The following GRB10 variants were observed in gnomAD, a reference collection of about 807,000 sequenced individuals.
GRB10 encodes the protein growth factor receptor bound protein 10.
GRB10 carries 20 observed loss-of-function variants against 80.9 expected under a neutral mutation model. The observed-to-expected ratio is 0.25, with a 90% CI of 0.17 to 0.36. The LOEUF is 0.36. Ranked by LOEUF, GRB10 falls within the 10% of genes least tolerant of loss-of-function variation. GRB10 has a pLI of 1.00. For missense variants in GRB10, 548 were observed against 747.7 expected, an observed-to-expected ratio of 0.73 and a Z score of 3.12; for synonymous variants, 291 against 291.5, an observed-to-expected ratio of 1.00 and a Z score of 0.02.
chr7:50,695,866 G>A (rs879729512), intron 5 of GRB10, among the ~76,000 whole-genome samples: 10 of 151,958 alleles, frequency 6.6e-5, no homozygotes, highest in Non-Finnish European at 1.2e-4. Context: ...ATATTACAAG[G>A]TGAATAAAAA....
chr7:50,664,425 C>T lies in GRB10; in HGVS notation c.504+5297G>A, dbSNP rs147472096. Among the ~76,000 whole-genome samples, 381 of 152,290 alleles carry T rather than the reference C, an allele frequency of 2.5e-3. 1 individual carries two copies. The highest frequency in any genetic ancestry group is 8.8e-3 in the African/African-American group (365 of 41,572). ...CAGCAGAGGGAGACAGTCACCAGGC[C>T]GTGGCGGGGGGCCAGCCCACCTGCC... On this transcript the variant is annotated intron_variant, in intron 7 of 18. Transcript: ENST00000401949.
At chr7:50,615,413 A>C (rs576937402) in intron 11 of GRB10, among the ~76,000 whole-genome samples, 6 of 152,340 alleles carry the variant, frequency 3.9e-5, no homozygotes, top group Non-Finnish European at 5.9e-5. Flanking sequence ...GAGGTCAGGA[A>C]GCTACCATGC....
chr7:50,780,725 A>C lies in GRB10; in HGVS notation c.-315T>G, dbSNP rs1327194466. The C allele has an allele frequency of 6.6e-6, 1 of 152,208 alleles. No individual in the cohort carries two copies. Among genetic ancestry groups the C allele is most frequent in the African/African-American group, 2.4e-5 (1 of 41,452 alleles). 9.4% of individuals were successfully genotyped at this position (152,208 alleles called of 1,614,324 possible). A position where few individuals can be genotyped will look rare whatever the true frequency, so the allele number is the denominator to read the frequency against. On this transcript the variant is annotated 5_prime_UTR_variant, in exon 2 of 19. Transcript: ENST00000401949. ...TTCCTCCTGAGAATTATCAGAATGC[A>C]GCCTCCCAAGTCTGAAAGAAAGGTA...
intron 4 of GRB10, chr7:50,711,101 G>GCCCGATCAATTCT: frequency 1.6e-6 from 1 of 610,820 alleles, no homozygotes; most frequent in Non-Finnish European, 3.0e-6. Flanking sequence ...CTGGGAGAAT[G>GCCCGATCAATTCT]CCCGATCATA....
chr7:50,744,503 T>C (rs972178177), intron 3 of GRB10, among the ~76,000 whole-genome samples: 1 of 152,224 alleles, frequency 6.6e-6, no homozygotes, highest in Admixed American at 6.5e-5. Flanking sequence ...TACTGTTGAC[T>C]AGAAGCTTTA....
rs200846366 is a variant in GRB10 at position 50,674,522 on chromosome 7, A to G, written c.276T>C (p.Ala92=). ...GCTGGATGGACCGAGGAGGGCCTGA[A>G]GCCCGAGGCTGGCTGCGGGCATGCT... is the stretch of plus-strand genomic sequence containing the variant. The part of the protein sequence containing the change: ...NGQHARSQPR[A]SGPPRSIQPQ... Residue 92 remains alanine, a synonymous_variant, in exon 6 of 19, where the codon GCT becomes GCC. Coordinates refer to ENST00000401949, the MANE Select transcript of GRB10 (RefSeq NM_001350814.2). The G allele has an allele frequency of 2.6e-5, 42 of 1,610,720 alleles. No homozygotes were observed. In the Admixed American group the frequency reaches 5.2e-4, roughly 20 times the overall value.
At chr7:50,732,460 G>C (rs2069980186) in intron 3 of GRB10, 92 bp from the exon 4 acceptor site, 2 of 780,292 alleles carry the variant, frequency 2.6e-6, no homozygotes, top group African/African-American at 3.5e-5. Flanking sequence ...TGTCTGAATG[G>C]GCAGCTCTTG....
intron 7 of GRB10, among the ~76,000 whole-genome samples, chr7:50,640,366 G>C (rs532023774): frequency 6.6e-6 from 1 of 152,316 alleles, no homozygotes; most frequent in African/African-American, 2.4e-5. Context: ...TTGGAGGAAT[G>C]GCTGCCCCCT....
chr7:50,656,590 G>A (rs141692570), intron 7 of GRB10, among the ~76,000 whole-genome samples: 1 of 152,170 alleles, frequency 6.6e-6, no homozygotes, highest in East Asian at 1.9e-4. Flanking sequence ...AGGTGTCTGC[G>A]GTATTCTGAA....
At chr7:50,675,315 T>C (rs2153641902) in intron 5 of GRB10, among the ~76,000 whole-genome samples, 1 of 152,194 alleles carries the variant, frequency 6.6e-6, no homozygotes, top group East Asian at 1.9e-4. Flanking sequence ...GAAGCCACAA[T>C]GGCACAGAGA....
At chr7:50,624,826 A>T (rs1046697083) in intron 8 of GRB10, among the ~76,000 whole-genome samples, 2 of 151,174 alleles carry the variant, frequency 1.3e-5, no homozygotes, top group African/African-American at 4.9e-5. Context: ...TTTATTTTTT[A>T]TTTTTTTTGT....
chr7:50,673,256 C>T (rs1337003455), intron 6 of GRB10, among the ~76,000 whole-genome samples: 9 of 152,158 alleles, frequency 5.9e-5, no homozygotes, highest in Admixed American at 5.2e-4. Context: ...GATGGCTGTA[C>T]ATCCTCCGCA....
At position 50,662,656 on chromosome 7, in the gene GRB10, T is replaced by C. The variant is rs2715095; in HGVS notation, c.504+7066A>G. The stretch of plus-strand genomic sequence containing the variant: ...GTGACTCCAGCCAAAGTATTTCACC[T>C]TGTGGAGCTTCAGGACCTTGGTTTC... On this transcript the variant is annotated intron_variant, in intron 7 of 18. Coordinates refer to ENST00000401949, the MANE Select transcript of GRB10 (RefSeq NM_001350814.2). Among the ~76,000 whole-genome samples, 1,407 of 152,372 alleles carry C rather than the reference T, an allele frequency of 9.2e-3. 16 individuals carry two copies. Among genetic ancestry groups the C allele is most frequent in the African/African-American group, 0.032 (1,326 of 41,590 alleles).
chr7:50,717,571 T>TA (rs1244051980), intron 4 of GRB10, among the ~76,000 whole-genome samples: 1 of 152,236 alleles, frequency 6.6e-6, no homozygotes, highest in Admixed American at 6.5e-5. Flanking sequence ...TGTACACAGA[T>TA]ACAGGTAATC....
intron 3 of GRB10, among the ~76,000 whole-genome samples, chr7:50,748,435 T>C (rs138653528): frequency 1.6e-4 from 25 of 152,096 alleles, no homozygotes; most frequent in African/African-American, 5.8e-4. Context: ...TGTTGGAAAT[T>C]AGGAGTGGAG....
intron 6 of GRB10, among the ~76,000 whole-genome samples, chr7:50,673,541 G>GCAGCTGCTCCTCCT: frequency 6.6e-6 from 1 of 152,122 alleles, no homozygotes. Context: ...CTGGCAAAAC[G>GCAGCTGCTCCTCCT]CAGCTGCTCC....
At position 50,590,254 on chromosome 7, in the gene GRB10, G is replaced by A. The variant is rs753235381; in HGVS notation, c.*2698C>T. ...AATACCTTCTGCATTCCCTGAAAAC[G>A]TTTATACACGCCAGGCCAATTTACA... On this transcript the variant is annotated 3_prime_UTR_variant, in exon 19 of 19. Transcript: ENST00000401949. The A allele has an allele frequency of 6.6e-6, 1 of 152,176 alleles. No homozygotes were observed. Among genetic ancestry groups the A allele is most frequent in the Non-Finnish European group, 1.5e-5 (1 of 68,042 alleles). 9.4% of individuals were successfully genotyped at this position (152,176 alleles called of 1,614,324 possible).
At chr7:50,653,231 T>C (rs2058201276) in intron 7 of GRB10, among the ~76,000 whole-genome samples, 1 of 152,130 alleles carries the variant, frequency 6.6e-6, no homozygotes, top group Non-Finnish European at 1.5e-5. Flanking sequence ...CCCCAGTGCA[T>C]GCTCCGAGGG....
chr7:50,737,894 A>G (rs938248342), intron 3 of GRB10, among the ~76,000 whole-genome samples: 1 of 152,224 alleles, frequency 6.6e-6, no homozygotes, highest in Non-Finnish European at 1.5e-5. Flanking sequence ...AGACGAATGC[A>G]ATAAAGAATG....
Sources: gnomAD v4.1 joint callset for allele counts (sites outside exome capture counted in the v4.1 genomes callset) on GRCh38, gnomAD v4.1.1 for gene constraint, MANE v1.5 for transcripts, NCBI Gene and HGNC (gene_info 2026-07-23, HGNC 2026-07-21) for gene names.